Variants in FARS2 observed in about 807,000 individuals in gnomAD.
The protein encoded by FARS2 is phenylalanine--tRNA ligase, mitochondrial.
In FARS2, 40 loss-of-function variants were observed where a neutral mutation model predicts 46.4. The ratio of observed to expected loss-of-function variants is 0.86; its 90% CI spans 0.67 to 1.12. The LOEUF (loss-of-function observed/expected upper bound fraction) is 1.12, where lower values mean the gene tolerates loss of function less well. Ranked by LOEUF, FARS2 falls within the 50% of genes most tolerant of loss-of-function variation. The pLI, the probability that FARS2 is intolerant of heterozygous loss-of-function variation, is 0.00. For synonymous variants in FARS2, 234 were observed against 214.9 expected (o/e 1.09, Z -0.78); for missense variants, 513 against 567.9 (o/e 0.90, Z 0.98).
chr6:5,596,705 G>T (rs1452400265), intron 5 of FARS2, among the ~76,000 whole-genome samples: 1 of 152,208 alleles, frequency 6.6e-6, no homozygotes, highest in Non-Finnish European at 1.5e-5. Flanking sequence ...TTGAGAAACA[G>T]GAATAGTGAT....
intron 2 of FARS2, among the ~76,000 whole-genome samples, chr6:5,375,636 A>C (rs917339975): frequency 3.3e-5 from 5 of 152,096 alleles, no homozygotes; most frequent in African/African-American, 9.7e-5. Flanking sequence ...TAGTAATGGC[A>C]CAAGGTTAAT....
chr6:5,677,672 C>G (rs561336187), intron 6 of FARS2, among the ~76,000 whole-genome samples: 3 of 152,284 alleles, frequency 2.0e-5, no homozygotes, highest in South Asian at 4.1e-4. Flanking sequence ...AAGCAAGGGG[C>G]TGTAGTCAAA....
At chr6:5,762,956 C>T (rs566556858) in intron 6 of FARS2, among the ~76,000 whole-genome samples, 29 of 152,154 alleles carry the variant, frequency 1.9e-4, no homozygotes, top group African/African-American at 4.1e-4. Context: ...GTTGTGAGAA[C>T]GAGGAGGAGA....
intron 6 of FARS2, among the ~76,000 whole-genome samples, chr6:5,767,064 A>ATT (rs917210975): frequency 6.6e-6 from 1 of 150,554 alleles, no homozygotes; most frequent in African/African-American, 2.4e-5. Flanking sequence ...TCCAAAAAAA[A>ATT]TTTTTTTTTC....
chr6:5,639,525 T>C (rs1776707034), intron 6 of FARS2, among the ~76,000 whole-genome samples: 1 of 152,242 alleles, frequency 6.6e-6, no homozygotes, highest in South Asian at 2.1e-4. Flanking sequence ...TTTCTCTTGC[T>C]TAAGTAGAGG....
intron 3 of FARS2, among the ~76,000 whole-genome samples, chr6:5,428,509 T>C (rs1762973144): frequency 6.6e-6 from 1 of 152,196 alleles, no homozygotes; most frequent in African/African-American, 2.4e-5. Flanking sequence ...CAAAATATAT[T>C]GTTCCAAACT....
chr6:5,581,677 G>C (rs1773337371), intron 5 of FARS2, among the ~76,000 whole-genome samples: 1 of 152,218 alleles, frequency 6.6e-6, no homozygotes, highest in South Asian at 2.1e-4. Context: ...TTGGGACATG[G>C]AGTGGTTCTT....
intron 4 of FARS2, among the ~76,000 whole-genome samples, chr6:5,439,321 C>T (rs1763712646): frequency 6.6e-6 from 1 of 152,156 alleles, no homozygotes; most frequent in East Asian, 1.9e-4. Flanking sequence ...AAGATCATAC[C>T]CTCAGACTCC....
chr6:5,264,258 AAAC>A (rs964171874), intron 1 of FARS2, among the ~76,000 whole-genome samples: 12 of 152,074 alleles, frequency 7.9e-5, no homozygotes, highest in Admixed American at 2.0e-4. Flanking sequence ...CAAAAAGAAA[AAAC>A]AACAACAACA....
At chr6:5,512,945 A>G (rs1768546886) in intron 4 of FARS2, among the ~76,000 whole-genome samples, 1 of 152,202 alleles carries the variant, frequency 6.6e-6, no homozygotes, top group Non-Finnish European at 1.5e-5. Flanking sequence ...CATCAGACAC[A>G]CTGGGGACCC....
intron 6 of FARS2, among the ~76,000 whole-genome samples, chr6:5,621,360 G>A (rs1180554077): frequency 6.6e-6 from 1 of 151,988 alleles, no homozygotes; most frequent in African/African-American, 2.4e-5. Context: ...TAAAATGTTG[G>A]GATTACAGGT....
chr6:5,759,870 C>T (rs1762396203), intron 6 of FARS2, among the ~76,000 whole-genome samples: 1 of 152,194 alleles, frequency 6.6e-6, no homozygotes, highest in Non-Finnish European at 1.5e-5. Flanking sequence ...CAGAAGACCC[C>T]TCTGGTGCCT....
intron 6 of FARS2, among the ~76,000 whole-genome samples, chr6:5,770,982 C>T (rs1186080097): frequency 6.6e-6 from 1 of 152,166 alleles, no homozygotes. Context: ...CAGGTCCCAC[C>T]TCCCACCTGC....
intron 4 of FARS2, among the ~76,000 whole-genome samples, chr6:5,522,089 A>G (rs1362911679): frequency 6.6e-6 from 1 of 152,226 alleles, no homozygotes; most frequent in Non-Finnish European, 1.5e-5. Context: ...GCTAACAGAT[A>G]AACCCCTTGA....
intron 1 of FARS2, among the ~76,000 whole-genome samples, chr6:5,315,671 T>G (rs1769418918): frequency 6.7e-6 from 1 of 148,482 alleles, no homozygotes; most frequent in Non-Finnish European, 1.5e-5. Context: ...CAACATATTA[T>G]TTTGAAAATA....
At chr6:5,508,278 T>A (rs1768220042) in intron 4 of FARS2, among the ~76,000 whole-genome samples, 1 of 152,236 alleles carries the variant, frequency 6.6e-6, no homozygotes, top group Non-Finnish European at 1.5e-5. Flanking sequence ...CCTAGTATAG[T>A]TTTGGATGCC....
intron 6 of FARS2, among the ~76,000 whole-genome samples, chr6:5,694,192 C>T (rs919164990): frequency 3.3e-5 from 5 of 152,202 alleles, no homozygotes; most frequent in Non-Finnish European, 5.9e-5. Context: ...AGGAATATAG[C>T]TAATCCTTAG....
At chr6:5,504,926 C>T (rs547728068) in intron 4 of FARS2, among the ~76,000 whole-genome samples, 2 of 152,066 alleles carry the variant, frequency 1.3e-5, no homozygotes, top group Admixed American at 6.5e-5. Context: ...CCTCAGTCTC[C>T]CAAGTAGCTG....
chr6:5,303,590 G>A (rs1476925747), intron 1 of FARS2, among the ~76,000 whole-genome samples: 1 of 151,968 alleles, frequency 6.6e-6, no homozygotes, highest in African/African-American at 2.4e-5. Flanking sequence ...TGTGTTTGCG[G>A]CCACGCTGGC....
Sources: gnomAD v4.1 joint callset for allele counts (sites outside exome capture counted in the v4.1 genomes callset) on GRCh38, gnomAD v4.1.1 for gene constraint, MANE v1.5 for transcripts, NCBI Gene and HGNC (gene_info 2026-07-23, HGNC 2026-07-21) for gene names.